TTC17: variants seen among roughly 807,000 people sequenced by gnomAD.
The protein encoded by TTC17 is tetratricopeptide repeat domain 17, also known as tetratricopeptide repeat protein 17.
TTC17 carries 58 observed loss-of-function variants against 143.8 expected under a neutral mutation model. That is an observed-to-expected ratio of 0.40 (90% CI 0.33 to 0.50). The LOEUF (loss-of-function observed/expected upper bound fraction) is 0.50. Among genes scored for constraint, TTC17 ranks in the 20% least tolerant of loss-of-function variants. The pLI is 0.49. For synonymous variants in TTC17, 501 were observed against 497.8 expected (o/e 1.01, Z -0.09); for missense variants, 1,273 against 1,392.5 (o/e 0.91, Z 1.37).
At chr11:43,447,888 A>C in intron 18 of TTC17, 114 bp from the exon 19 acceptor site, 1 of 1,321,680 alleles carries the variant, frequency 7.6e-7, no homozygotes, top group Non-Finnish European at 1.0e-6. Flanking sequence ...AGACTACAGG[A>C]ATGACTAGCA....
intron 21 of TTC17, among the ~76,000 whole-genome samples, chr11:43,465,347 G>A (rs1039663907): frequency 1.3e-5 from 2 of 152,204 alleles, no homozygotes; most frequent in African/African-American, 4.8e-5. Context: ...TCAAGAGATG[G>A]GATTGAAAAC....
intron 1 of TTC17, among the ~76,000 whole-genome samples, chr11:43,376,201 T>A (rs1466763340): frequency 6.6e-6 from 1 of 152,168 alleles, no homozygotes; most frequent in African/African-American, 2.4e-5. Flanking sequence ...GAAAATGAAA[T>A]TGAATTGCCT....
intron 16 of TTC17, among the ~76,000 whole-genome samples, chr11:43,422,367 A>G (rs1472731527): frequency 2.0e-5 from 3 of 152,198 alleles, no homozygotes; most frequent in East Asian, 3.9e-4. Context: ...TTGAATAGGT[A>G]GTTGGATACA....
chr11:43,451,091 C>A, intron 20 of TTC17, 91 bp from the exon 21 acceptor site: 1 of 1,262,528 alleles, frequency 7.9e-7, no homozygotes, highest in Non-Finnish European at 1.1e-6. Context: ...CAGTTTGCCT[C>A]TGTGGTACAG....
intron 2 of TTC17, among the ~76,000 whole-genome samples, chr11:43,385,182 C>CTA (rs2134503150): frequency 6.6e-6 from 1 of 152,140 alleles, no homozygotes; most frequent in African/African-American, 2.4e-5. Flanking sequence ...ACCTTTGGAT[C>CTA]TATATATATC....
At chr11:43,387,478 T>C (rs929247827) in intron 2 of TTC17, among the ~76,000 whole-genome samples, 7 of 151,836 alleles carry the variant, frequency 4.6e-5, no homozygotes, top group African/African-American at 1.5e-4. Context: ...GAGGGAATAA[T>C]TGGAAACAGA....
intron 1 of TTC17, among the ~76,000 whole-genome samples, chr11:43,375,665 G>A (rs1249087220): frequency 6.6e-6 from 1 of 151,098 alleles, no homozygotes; most frequent in Non-Finnish European, 1.5e-5. Flanking sequence ...AACAGTGAAA[G>A]TGTTCAGTAT....
chr11:43,417,492 C>T lies in TTC17; in HGVS notation c.2251+2716C>T, dbSNP rs1254649118. Among the ~76,000 whole-genome samples the T allele has an allele frequency of 2.0e-5, 3 of 151,986 alleles. No homozygotes were observed. The East Asian group carries it at 5.8e-4, about 29-fold the overall frequency. The stretch of plus-strand genomic sequence containing the variant: ...GTGACAAGGCTTACGATTCTTTTTC[C>T]ATGTAATAGTCATGGAATTCATGAG... On this transcript the variant is annotated intron_variant, in intron 16 of 23. Coordinates refer to ENST00000039989, the MANE Select transcript of TTC17 (RefSeq NM_018259.6).
chr11:43,426,933 CTT>C (rs1187620498), intron 16 of TTC17, among the ~76,000 whole-genome samples: 1 of 152,136 alleles, frequency 6.6e-6, no homozygotes, highest in Non-Finnish European at 1.5e-5. Flanking sequence ...CTAGGAGAGT[CTT>C]GTTAAAGAGT....
chr11:43,445,120 T>C (rs1947513244), intron 18 of TTC17, among the ~76,000 whole-genome samples: 1 of 152,170 alleles, frequency 6.6e-6, no homozygotes, highest in South Asian at 2.1e-4. Context: ...ACTCAAGATA[T>C]TGGTAATATA....
At chr11:43,378,966 C>A (rs925764002) in intron 1 of TTC17, 47 of 355,750 alleles carry the variant, frequency 1.3e-4, no homozygotes, top group Non-Finnish European at 1.9e-4. Context: ...CCAAATACTT[C>A]TTTACTATTA....
intron 21 of TTC17, among the ~76,000 whole-genome samples, chr11:43,472,595 A>G (rs1350925224): frequency 6.6e-6 from 1 of 152,150 alleles, no homozygotes; most frequent in Non-Finnish European, 1.5e-5. Context: ...ATACCTCTCA[A>G]TAGGTGATAG....
intron 16 of TTC17, among the ~76,000 whole-genome samples, chr11:43,424,162 G>A (rs544737289): frequency 1.1e-4 from 16 of 150,292 alleles, no homozygotes; most frequent in South Asian, 2.1e-4. Context: ...GCTCTGTCTC[G>A]GCTCACTGCC....
chr11:43,387,274 C>G (rs1396509901), intron 2 of TTC17, among the ~76,000 whole-genome samples: 2 of 152,160 alleles, frequency 1.3e-5, no homozygotes, highest in Admixed American at 1.3e-4. Context: ...AAATAGCCCG[C>G]AGAACCTCAG....
intron 21 of TTC17, among the ~76,000 whole-genome samples, chr11:43,458,451 A>C (rs1047186535): frequency 3.3e-5 from 5 of 152,206 alleles, no homozygotes; most frequent in African/African-American, 9.7e-5. Flanking sequence ...GCATCATTTC[A>C]ACTGCATTCT....
intron 4 of TTC17, 26 bp downstream of exon 4, chr11:43,391,602 T>G (rs1565140763): frequency 7.5e-7 from 1 of 1,329,790 alleles, no homozygotes; most frequent in Admixed American, 3.3e-5. Flanking sequence ...TAGGATTTTT[T>G]TTTTTTTGCG....
intron 9 of TTC17, 73 bp from the exon 10 acceptor site, chr11:43,401,373 A>T: frequency 9.8e-7 from 1 of 1,020,044 alleles, no homozygotes; most frequent in Non-Finnish European, 1.5e-6. Context: ...ATACTAAATG[A>T]CTTAGTCTAA....
intron 21 of TTC17, among the ~76,000 whole-genome samples, chr11:43,479,493 T>C (rs1000185595): frequency 7.2e-5 from 11 of 152,256 alleles, no homozygotes; most frequent in African/African-American, 2.4e-4. Flanking sequence ...TGAAATATTA[T>C]AGAGACAAGG....
chr11:43,372,089 G>GA (rs780883375), intron 1 of TTC17, among the ~76,000 whole-genome samples: 169 of 152,112 alleles, frequency 1.1e-3, no homozygotes, highest in Non-Finnish European at 1.9e-3. Context: ...AAAAAAGAAA[G>GA]AAAAAATGTA....
Sources: gnomAD v4.1 joint callset for allele counts (sites outside exome capture counted in the v4.1 genomes callset) on GRCh38, gnomAD v4.1.1 for gene constraint, MANE v1.5 for transcripts, NCBI Gene and HGNC (gene_info 2026-07-23, HGNC 2026-07-21) for gene names.